The following MIAT variants were observed in gnomAD, a reference collection of about 807,000 sequenced individuals.
The protein encoded by MIAT is MI related novel mRNA.
At chr22:26,676,127 G>A (rs1006349693) in exon 5 of MIAT, 12 of 397,834 alleles carry the variant, frequency 3.0e-5, no homozygotes, top group African/African-American at 2.3e-4. Flanking sequence ...TTCTTAATAG[G>A]TTGTGCTGTG....
At chr22:26,669,991 T>C, downstream of MIAT, 1 of 398,380 alleles carries the variant, frequency 2.5e-6, no homozygotes, top group South Asian at 1.3e-4. Flanking sequence ...GCACAGTGCC[T>C]GACTCCCAGT....
chr22:26,657,553 A>G (rs772993467), intron 2 of MIAT: 24 of 398,548 alleles, frequency 6.0e-5, no homozygotes, highest in Non-Finnish European at 8.4e-5. Flanking sequence ...TGCGGGGAGG[A>G]GTTTGAGATG....
intron 2 of MIAT, among the ~76,000 whole-genome samples, chr22:26,662,173 T>C (rs1930701604): frequency 6.6e-6 from 1 of 151,922 alleles, no homozygotes; most frequent in Admixed American, 6.6e-5. Context: ...CCCAGGCTGA[T>C]CGTGAACTCC....
downstream of MIAT, chr22:26,671,775 C>T (rs1049013409): frequency 7.5e-6 from 3 of 398,276 alleles, no homozygotes; most frequent in Admixed American, 4.4e-5. Context: ...TGATACCTTA[C>T]AGGTTGCAGT....
chr22:26,669,820 G>A, downstream of MIAT: 1 of 399,082 alleles, frequency 2.5e-6, no homozygotes, highest in Non-Finnish European at 4.4e-6. Context: ...GCAGGGCTCA[G>A]TGCAGGGAGG....
At chr22:26,666,563 A>G (rs1930850001) in exon 4 of MIAT, 1 of 398,588 alleles carries the variant, frequency 2.5e-6, no homozygotes, top group African/African-American at 2.1e-5. Context: ...CTCTCCGTTC[A>G]GCTGCTATTC....
chr22:26,659,152 C>T (rs1394233652), intron 2 of MIAT, among the ~76,000 whole-genome samples: 1 of 152,160 alleles, frequency 6.6e-6, no homozygotes, highest in Non-Finnish European at 1.5e-5. Flanking sequence ...TCCTCATCCT[C>T]ATCCTGCAGG....
intron 2 of MIAT, among the ~76,000 whole-genome samples, chr22:26,654,388 T>C (rs1282497553): frequency 6.6e-6 from 1 of 152,218 alleles, no homozygotes; most frequent in Non-Finnish European, 1.5e-5. Flanking sequence ...TTGGAAATGA[T>C]AGACTGACAG....
chr22:26,672,713 A>C (rs987811754), downstream of MIAT: 8 of 398,946 alleles, frequency 2.0e-5, no homozygotes, highest in Admixed American at 4.4e-5. Context: ...CCTCACCGGA[A>C]ATTAGCAGAG....
exon 6 of MIAT, chr22:26,668,261 G>A (rs188990590): frequency 3.0e-5 from 12 of 398,660 alleles, no homozygotes; most frequent in African/African-American, 1.2e-4. Context: ...GTCAGACTCC[G>A]GTGGTTTTCT....
At chr22:26,651,746 G>A (rs1372680457) in intron 2 of MIAT, among the ~76,000 whole-genome samples, 3 of 152,156 alleles carry the variant, frequency 2.0e-5, no homozygotes, top group Non-Finnish European at 4.4e-5. Flanking sequence ...GCTACAATGT[G>A]GATGAACCTC....
chr22:26,673,825 C>G (rs1931160180), downstream of MIAT: 1 of 398,642 alleles, frequency 2.5e-6, no homozygotes, highest in Non-Finnish European at 4.4e-6. Context: ...TGGACCAGGC[C>G]TGATGGAGCA....
rs1419501699 is a variant in MIAT at position 26,652,019 on chromosome 22, A to C, written n.646+4708A>C. Among the ~76,000 whole-genome samples, 3 of 152,164 alleles carry C rather than the reference A, an allele frequency of 2.0e-5. No homozygotes were observed. In the South Asian group the frequency reaches 6.2e-4, roughly 32 times the overall value. ...TTGTTTCTTTCTCTTTTTGAGACAG[A>C]GTTTTGCTCTGTTGCCCATGCTGGA... On this transcript the variant is annotated intron_variant and non_coding_transcript_variant, in intron 2 of 5. Transcript: ENST00000643270.
At chr22:26,653,085 A>T (rs1930366469) in intron 2 of MIAT, among the ~76,000 whole-genome samples, 1 of 152,168 alleles carries the variant, frequency 6.6e-6, no homozygotes, top group Non-Finnish European at 1.5e-5. Flanking sequence ...ACTGCAAAGG[A>T]TGTCCAACCC....
chr22:26,672,390 C>T (rs1931081901), downstream of MIAT: 4 of 399,198 alleles, frequency 1.0e-5, no homozygotes, highest in Admixed American at 8.8e-5. Flanking sequence ...AGGGGATGGC[C>T]CTATTAACAA....
chr22:26,660,424 C>T (rs1162266001), intron 2 of MIAT, among the ~76,000 whole-genome samples: 14 of 138,852 alleles, frequency 1.0e-4, no homozygotes, highest in African/African-American at 3.5e-4. Flanking sequence ...GCAGAGATTA[C>T]ACCACCGTAC....
chr22:26,662,026 G>GT (rs1245289507), intron 2 of MIAT, among the ~76,000 whole-genome samples: 8 of 148,222 alleles, frequency 5.4e-5, no homozygotes, highest in African/African-American at 2.0e-4. Flanking sequence ...GAGCAATCGC[G>GT]GTTCACTGCA....
At chr22:26,647,245 A>G in exon 2 of MIAT, 1 of 398,300 alleles carries the variant, frequency 2.5e-6, no homozygotes. Context: ...TGGCAAACAT[A>G]TGTGGAAGGC....
At chr22:26,672,250 C>G (rs762762789), downstream of MIAT, 1 of 399,006 alleles carries the variant, frequency 2.5e-6, no homozygotes, top group Admixed American at 4.4e-5. Context: ...GCTCTGGGCT[C>G]CCCCCGGGGG....
Sources: gnomAD v4.1 joint callset for allele counts (sites outside exome capture counted in the v4.1 genomes callset) on GRCh38, gnomAD v4.1.1 for gene constraint, MANE v1.5 for transcripts, NCBI Gene and HGNC (gene_info 2026-07-23, HGNC 2026-07-21) for gene names.